FAM178B: variants seen among roughly 807,000 people sequenced by gnomAD.
The protein encoded by FAM178B is protein FAM178B.
FAM178B carries 82 observed loss-of-function variants against 91.7 expected under a neutral mutation model. That is an observed-to-expected ratio of 0.89 (90% CI 0.75 to 1.07). The LOEUF (loss-of-function observed/expected upper bound fraction) is 1.07. Ranked by LOEUF, FAM178B falls within the 50% of genes least tolerant of loss-of-function variation. The pLI is 0.00. For missense variants in FAM178B, 769 were observed against 846.7 expected (o/e 0.91, Z 1.14); for synonymous variants, 368 against 359.4 (o/e 1.02, Z -0.27).
At chr2:96,982,553 G>A (rs112099881) in intron 1 of FAM178B, among the ~76,000 whole-genome samples, 5 of 151,842 alleles carry the variant, frequency 3.3e-5, no homozygotes, top group South Asian at 2.1e-4. Context: ...ATGAGCCACC[G>A]CACCTGGCCT....
intron 1 of FAM178B, among the ~76,000 whole-genome samples, chr2:96,972,967 G>A (rs891889776): frequency 2.6e-5 from 4 of 151,838 alleles, no homozygotes; most frequent in East Asian, 3.9e-4. Flanking sequence ...ACAGACATGC[G>A]CCAAGGTGGA....
Position 96,921,473 on chromosome 2 carries a change from A to G in FAM178B, c.1464+5T>C. 1.9e-6 allele frequency: 3 copies of G among 1,551,660 alleles called. No individual in the cohort carries two copies. Among genetic ancestry groups the G allele is most frequent in the Non-Finnish European group, 2.6e-6 (3 of 1,146,974 alleles). On this transcript the variant is annotated splice_donor_5th_base_variant and intron_variant, in intron 11 of 16. Coordinates refer to ENST00000490605, the MANE Select transcript of FAM178B (RefSeq NM_001122646.3). ...TATGAGGACCAGGCTCTGGGCGTCT[A>G]GTACCTTCCCTGGCCACTCCCGGAT...
intron 8 of FAM178B, among the ~76,000 whole-genome samples, chr2:96,944,374 C>T (rs925532370): frequency 1.3e-5 from 2 of 151,884 alleles, no homozygotes; most frequent in African/African-American, 2.4e-5. Flanking sequence ...AGACAAACAA[C>T]ATGGCAAGTG....
At chr2:96,915,308 G>C (rs1308771150) in intron 12 of FAM178B, among the ~76,000 whole-genome samples, 1 of 151,186 alleles carries the variant, frequency 6.6e-6, no homozygotes, top group Non-Finnish European at 1.5e-5. Flanking sequence ...AGTAGAGACG[G>C]GGTTTCACCA....
chr2:96,879,517 TTC>T (rs1290412985), intron 14 of FAM178B, among the ~76,000 whole-genome samples: 1 of 152,244 alleles, frequency 6.6e-6, no homozygotes, highest in African/African-American at 2.4e-5. Flanking sequence ...GCCAGACCAC[TTC>T]TGAGGACATC....
intron 6 of FAM178B, among the ~76,000 whole-genome samples, chr2:96,955,923 G>T (rs2081993699): frequency 6.6e-6 from 1 of 152,198 alleles, no homozygotes; most frequent in Admixed American, 6.5e-5. Flanking sequence ...GGGCCTCCGG[G>T]AGAAGCTGAG....
At chr2:96,961,090 T>C (rs534575898) in intron 5 of FAM178B, among the ~76,000 whole-genome samples, 2 of 151,678 alleles carry the variant, frequency 1.3e-5, no homozygotes, top group African/African-American at 4.8e-5. Flanking sequence ...TCTGATTTAG[T>C]GGATGGGAGC....
intron 7 of FAM178B, among the ~76,000 whole-genome samples, chr2:96,950,802 G>A (rs776156494): frequency 1.1e-4 from 17 of 152,184 alleles, no homozygotes; most frequent in South Asian, 2.1e-4. Flanking sequence ...CAGAGCAGCC[G>A]TTCCAGGTTT....
At chr2:96,984,293 G>A (rs527895900) in intron 1 of FAM178B, among the ~76,000 whole-genome samples, 2 of 152,270 alleles carry the variant, frequency 1.3e-5, no homozygotes, top group East Asian at 3.9e-4. Flanking sequence ...TCCGCCACCA[G>A]GAAGACAATT....
At chr2:96,899,576 A>G (rs1486365936) in intron 13 of FAM178B, among the ~76,000 whole-genome samples, 1 of 147,698 alleles carries the variant, frequency 6.8e-6, no homozygotes, top group African/African-American at 2.5e-5. Context: ...AAAAAAAAAG[A>G]AAAAAAAAAG....
At chr2:96,878,370 C>A (rs2080298680) in intron 15 of FAM178B, 46 bp downstream of exon 15, 1 of 1,572,886 alleles carries the variant, frequency 6.4e-7, no homozygotes, top group African/African-American at 1.3e-5. Flanking sequence ...GGGGAGAAGA[C>A]ACAGCTGGGC....
In FAM178B at chr2:96,923,546, CCTCATT is replaced by C; in HGVS notation, c.1225_1230del (p.Asn409_Glu410del). 1 of 1,551,714 alleles carries C rather than the reference CCTCATT, an allele frequency of 6.4e-7. No individual in the cohort carries two copies. Among genetic ancestry groups the C allele is most frequent in the Non-Finnish European group, 8.7e-7 (1 of 1,146,984 alleles). ...GCAATCTCTTGGGGAGCGTCCTGCT[CCTCATT>C]CTCATTCAGGCCAGCCTCGCCTGGA... On this transcript the variant is annotated inframe_deletion, in exon 10 of 17. Coordinates refer to ENST00000490605, the MANE Select transcript of FAM178B (RefSeq NM_001122646.3).
chr2:96,876,485 C>T (rs35886699), intron 16 of FAM178B, among the ~76,000 whole-genome samples, 177 bp from the exon 17 acceptor site: 24 of 152,322 alleles, frequency 1.6e-4, no homozygotes, highest in South Asian at 1.5e-3. Context: ...CATCAGGCTA[C>T]GTGACCGTAT....
intron 6 of FAM178B, among the ~76,000 whole-genome samples, chr2:96,954,544 G>C (rs1173595106): frequency 6.6e-6 from 1 of 150,394 alleles, no homozygotes; most frequent in Non-Finnish European, 1.5e-5. Context: ...TTATTTTATG[G>C]GCAGCAGTCC....
At chr2:96,913,777 C>T (rs2081197562) in intron 12 of FAM178B, among the ~76,000 whole-genome samples, 1 of 152,244 alleles carries the variant, frequency 6.6e-6, no homozygotes, top group Non-Finnish European at 1.5e-5. Flanking sequence ...GGGTGTGGAG[C>T]AGCAGGGTCC....
chr2:96,952,192 G>A (rs1396662855), intron 6 of FAM178B, among the ~76,000 whole-genome samples: 1 of 152,188 alleles, frequency 6.6e-6, no homozygotes, highest in Non-Finnish European at 1.5e-5. Context: ...CCCCCACGAG[G>A]CCAGCGTCTC....
In FAM178B at chr2:96,959,199, G is replaced by GAAA. The variant is rs57498168; in HGVS notation, c.887+1086_887+1088dup. Among the ~76,000 whole-genome samples, 29 of 82,118 alleles carry GAAA rather than the reference G, an allele frequency of 3.5e-4. 2 individuals are homozygous for GAAA. The highest frequency in any genetic ancestry group is 3.5e-3 in the East Asian group (9 of 2,554). The allele number at this position is 82,118 out of a possible 152,430, so 53.9% of individuals were successfully genotyped here. On this transcript the variant is annotated intron_variant, in intron 6 of 16. Coordinates refer to ENST00000490605, the MANE Select transcript of FAM178B (RefSeq NM_001122646.3). ...GGGTGACAGAGCGAGACTCAGTTTT[G>GAAA]AAAAAAAAAAAAAAAAAAAAAAAAA...
At chr2:96,887,174 C>T (rs961527111) in intron 14 of FAM178B, among the ~76,000 whole-genome samples, 1 of 152,086 alleles carries the variant, frequency 6.6e-6, no homozygotes, top group Non-Finnish European at 1.5e-5. Context: ...AAGATCATGC[C>T]ACTGCACTCC....
At chr2:96,885,082 C>G (rs2080483370) in intron 14 of FAM178B, among the ~76,000 whole-genome samples, 1 of 152,250 alleles carries the variant, frequency 6.6e-6, no homozygotes, top group African/African-American at 2.4e-5. Flanking sequence ...GTCAAAGTGC[C>G]TGCTAGGGCA....
Sources: gnomAD v4.1 joint callset for allele counts (sites outside exome capture counted in the v4.1 genomes callset) on GRCh38, gnomAD v4.1.1 for gene constraint, MANE v1.5 for transcripts, NCBI Gene and HGNC (gene_info 2026-07-23, HGNC 2026-07-21) for gene names.